Variants in STK32B observed in about 807,000 individuals in gnomAD.
STK32B encodes serine/threonine-protein kinase 32B.
A neutral mutation model predicts 52.6 loss-of-function variants in STK32B; 43 were observed. The ratio of observed to expected loss-of-function variants is 0.82; its 90% CI spans 0.64 to 1.05. The LOEUF (loss-of-function observed/expected upper bound fraction) is 1.05, where lower values mean the gene tolerates loss of function less well. Ranked by LOEUF, STK32B falls within the 50% of genes least tolerant of loss-of-function variation. The pLI is 0.00. For synonymous variants in STK32B, 238 were observed against 204.3 expected, an observed-to-expected ratio of 1.17 and a Z score of -1.41; for missense variants, 621 against 534.6, an observed-to-expected ratio of 1.16 and a Z score of -1.59.
chr4:5,327,353 C>T (rs1472352455), intron 3 of STK32B, among the ~76,000 whole-genome samples: 1 of 150,786 alleles, frequency 6.6e-6, no homozygotes, highest in East Asian at 1.9e-4. Context: ...TTTCAATTTA[C>T]TTTGCCCAGA....
chr4:5,337,127 C>T, intron 4 of STK32B, among the ~76,000 whole-genome samples: 1 of 147,838 alleles, frequency 6.8e-6, no homozygotes, highest in Non-Finnish European at 1.5e-5. Flanking sequence ...CATAAGCACA[C>T]ACCACCATCC....
intron 2 of STK32B, among the ~76,000 whole-genome samples, chr4:5,159,645 GTATATGAATATA>G (rs1718229661): frequency 2.0e-5 from 1 of 48,836 alleles, no homozygotes; most frequent in Non-Finnish European, 3.4e-5. Context: ...ATATATGAAT[GTATATGAATATA>G]TATATGAATG....
At chr4:5,136,710 A>G (rs969196481) in intron 1 of STK32B, among the ~76,000 whole-genome samples, 4 of 152,188 alleles carry the variant, frequency 2.6e-5, no homozygotes, top group Non-Finnish European at 4.4e-5. Context: ...TCTAGGACCC[A>G]TTATTGGCTT....
At chr4:5,231,838 T>A (rs1280833311) in intron 3 of STK32B, among the ~76,000 whole-genome samples, 1 of 152,020 alleles carries the variant, frequency 6.6e-6, no homozygotes, top group Non-Finnish European at 1.5e-5. Context: ...CCCAGGAGGA[T>A]CAAGGGACCA....
intron 3 of STK32B, among the ~76,000 whole-genome samples, chr4:5,274,851 A>G (rs7672559): frequency 0.18 from 27,296 of 152,098 alleles, 5,749 homozygotes; most frequent in African/African-American, 0.51. Flanking sequence ...TCATCCCTCC[A>G]GATCCAGCAG....
intron 3 of STK32B, among the ~76,000 whole-genome samples, chr4:5,253,983 C>T (rs1726128058): frequency 6.6e-6 from 1 of 152,124 alleles, no homozygotes; most frequent in African/African-American, 2.4e-5. Context: ...GACAGGGTCT[C>T]ACCATGTTGG....
chr4:5,356,220 A>C (rs915535076), intron 4 of STK32B, among the ~76,000 whole-genome samples: 1 of 151,670 alleles, frequency 6.6e-6, no homozygotes, highest in East Asian at 1.9e-4. Flanking sequence ...TGGCAGCATC[A>C]CTCTGATTTC....
In STK32B at chr4:5,488,191, A is replaced by G. The variant is rs1044250678; in HGVS notation, c.1107-10754A>G. Among the ~76,000 whole-genome samples, 3 of 152,144 alleles carry G rather than the reference A, an allele frequency of 2.0e-5. No homozygotes were observed. In the East Asian group the frequency reaches 5.8e-4, roughly 29 times the overall value. On this transcript the variant is annotated intron_variant, in intron 11 of 11. Transcript: ENST00000282908. ...CACATTCCCGTAATCCCAGCTACTC[A>G]GGAGGCTGAGGCTGGAGAATCACTT...
At chr4:5,293,969 G>A (rs1411172295) in intron 3 of STK32B, among the ~76,000 whole-genome samples, 2 of 152,068 alleles carry the variant, frequency 1.3e-5, no homozygotes, top group South Asian at 2.1e-4. Context: ...TTTCTATAAG[G>A]TGTAAGGAAG....
chr4:5,192,387 T>G (rs952056307), intron 3 of STK32B, among the ~76,000 whole-genome samples: 2 of 152,120 alleles, frequency 1.3e-5, no homozygotes, highest in Non-Finnish European at 1.5e-5. Flanking sequence ...TGGTGCTTTA[T>G]TAATAAAAAC....
chr4:5,030,650 A>T, the STK32B span, among the ~76,000 whole-genome samples: 1 of 152,190 alleles, frequency 6.6e-6, no homozygotes, highest in Non-Finnish European at 1.5e-5. Context: ...AGAGGGTGGG[A>T]AGTTAAGTAA....
rs185626218 is a variant in STK32B at position 5,395,630 on chromosome 4, C to T, written c.435-2577C>T. ...CATTCAGTTGGGTCTGTCTTGTTCA[C>T]GACGTGTCCTTCATGACCGCAAAGG... On this transcript the variant is annotated intron_variant, in intron 4 of 11. Transcript: ENST00000282908. This position sits in a 1 kb window ranked among gnomAD's most constrained non-coding sequence, Gnocchi z 4.4. Among the ~76,000 whole-genome samples, 119 of 152,330 alleles carry T rather than the reference C, an allele frequency of 7.8e-4. No homozygotes were observed. Among genetic ancestry groups the T allele is most frequent in the Middle Eastern group, 3.4e-3 (1 of 294 alleles).
At chr4:5,456,713 A>C in intron 7 of STK32B, 94 bp from the exon 8 acceptor site, 1 of 1,163,212 alleles carries the variant, frequency 8.6e-7, no homozygotes, top group South Asian at 1.9e-5. Context: ...AAGAGGAAGA[A>C]TAAACCATCC....
intron 2 of STK32B, among the ~76,000 whole-genome samples, chr4:5,159,778 A>C (rs1393441440): frequency 2.8e-5 from 4 of 143,268 alleles, no homozygotes; most frequent in African/African-American, 7.6e-5. Context: ...TGAATATATG[A>C]ATGTTTATGA....
At chr4:5,401,788 G>A (rs756967716) in intron 5 of STK32B, among the ~76,000 whole-genome samples, 1 of 152,170 alleles carries the variant, frequency 6.6e-6, no homozygotes, top group Non-Finnish European at 1.5e-5. Context: ...AATAAAGCTG[G>A]GTAATGAACC....
the STK32B span, among the ~76,000 whole-genome samples, chr4:5,036,787 C>A: frequency 6.6e-6 from 1 of 151,392 alleles, no homozygotes; most frequent in East Asian, 1.9e-4. Flanking sequence ...CCTGCCTCAG[C>A]CTCCCAAGTA....
chr4:5,115,626 C>A lies in STK32B; in HGVS notation c.53-24279C>A, dbSNP rs1714671243. ...AGTTATCCACACAGGGAAACCAGTC[C>A]CAGTGCAGAGAAGCTCCTGACCCCA... On this transcript the variant is annotated intron_variant, in intron 1 of 11. Transcript: ENST00000282908. Among the ~76,000 whole-genome samples, 3 of 151,094 alleles carry A rather than the reference C, an allele frequency of 2.0e-5. No homozygotes were observed. The South Asian group carries it at 6.3e-4, about 32-fold the overall frequency.
intron 1 of STK32B, among the ~76,000 whole-genome samples, chr4:5,090,037 C>A (rs1331515388): frequency 1.3e-5 from 2 of 152,034 alleles, no homozygotes; most frequent in African/African-American, 4.8e-5. Context: ...CTGTTCATGT[C>A]TTTTGCCCAC....
At chr4:5,181,768 A>G (rs1458742448) in intron 3 of STK32B, among the ~76,000 whole-genome samples, 2 of 152,246 alleles carry the variant, frequency 1.3e-5, no homozygotes, top group African/African-American at 2.4e-5. Context: ...TGAGTCTTCA[A>G]CAAGTTTTAA....
Sources: gnomAD v4.1 joint callset for allele counts (sites outside exome capture counted in the v4.1 genomes callset) on GRCh38, gnomAD v4.1.1 for gene constraint, Gnocchi (gnomAD v3.1) non-coding constraint, MANE v1.5 for transcripts, NCBI Gene and HGNC (gene_info 2026-07-23, HGNC 2026-07-21) for gene names.